Variants in NPHP4 observed in about 807,000 individuals in gnomAD.
NPHP4 encodes the protein nephrocystin-4.
A neutral mutation model predicts 155.8 loss-of-function variants in NPHP4; 151 were observed. The observed-to-expected ratio is 0.97, with a 90% CI of 0.85 to 1.11. The LOEUF (loss-of-function observed/expected upper bound fraction) is 1.11. NPHP4 is among the 50% of genes least tolerant of loss of function. The probability of loss-of-function intolerance (pLI) is 0.00; values close to 1 mark genes in which losing one functional copy is unlikely to be tolerated. For missense variants in NPHP4, 1,956 were observed against 1,925.7 expected (o/e 1.02, Z -0.29); for synonymous variants, 845 against 816.8 (o/e 1.03, Z -0.59).
rs550972665 is a variant in NPHP4, at chr1:5,866,769, T to C, written c.3558+261A>G. Among the ~76,000 whole-genome samples, 6 of 152,336 alleles carry C rather than the reference T, an allele frequency of 3.9e-5. No homozygotes were observed. The East Asian group carries it at 1.2e-3, about 29-fold the overall frequency. The stretch of plus-strand genomic sequence containing the variant: ...TAATTAATAAGTGCCTTAATTACCA[T>C]CCACTTTATTAACTTTGCTTCGTGC... On this transcript the variant is annotated intron_variant, in intron 25 of 29. Transcript: ENST00000378156.
In NPHP4 at chr1:5,976,933, G is replaced by A. The variant is rs140221859; in HGVS notation, c.279+1337C>T. ...CTGGGCAGTGGTTACCTAGAGTAAC[G>A]TCTCAAAGGACGGCCACTGTCACCG... On this transcript the variant is annotated intron_variant, in intron 3 of 29. Coordinates refer to ENST00000378156, the MANE Select transcript of NPHP4 (RefSeq NM_015102.5). 8.8e-4 allele frequency among the ~76,000 whole-genome samples: 134 copies of A among 152,228 alleles called. 1 individual carries two copies. Among genetic ancestry groups the A allele is most frequent in the African/African-American group, 3.1e-3 (128 of 41,544 alleles).
chr1:5,921,455 G>C (rs1389521879), intron 11 of NPHP4, among the ~76,000 whole-genome samples: 1 of 152,238 alleles, frequency 6.6e-6, no homozygotes, highest in Non-Finnish European at 1.5e-5. Flanking sequence ...ACGGTGGTAA[G>C]AGTTCTGCTT....
chr1:5,929,339 A>T lies in NPHP4; in HGVS notation c.1303-1552T>A, dbSNP rs149015647. On this transcript the variant is annotated intron_variant, in intron 10 of 29. Transcript: ENST00000378156. The stretch of plus-strand genomic sequence containing the variant: ...AACTTCCAGTGCAATACTGAACATG[A>T]CGTTGAATGCTAACAGTGGACATCC... 7.4e-3 allele frequency among the ~76,000 whole-genome samples: 1,125 copies of T among 152,290 alleles called. 12 individuals are homozygous for T. The highest frequency in any genetic ancestry group is 0.024 in the African/African-American group (1,018 of 41,564).
intron 9 of NPHP4, among the ~76,000 whole-genome samples, chr1:5,945,041 T>C (rs1016246035): frequency 2.0e-5 from 3 of 152,130 alleles, no homozygotes; most frequent in African/African-American, 4.8e-5. Flanking sequence ...GCGGCCACCA[T>C]CGAAACCACC....
At chr1:5,943,934 G>C (rs1043410250) in intron 9 of NPHP4, among the ~76,000 whole-genome samples, 1 of 152,126 alleles carries the variant, frequency 6.6e-6, no homozygotes, top group African/African-American at 2.4e-5. Context: ...GGGAGAAAGA[G>C]ATGAGACATG....
At chr1:5,942,530 CAAAAAAAA>C (rs71568632) in intron 9 of NPHP4, among the ~76,000 whole-genome samples, 1 of 19,736 alleles carries the variant, frequency 5.1e-5, no homozygotes, top group African/African-American at 1.6e-4. Flanking sequence ...GACTCCATCT[CAAAAAAAA>C]AAAAAAAAAA....
intron 2 of NPHP4, 122 bp downstream of exon 2, chr1:5,986,033 A>T: frequency 9.5e-7 from 1 of 1,057,520 alleles, no homozygotes; most frequent in Middle Eastern, 2.0e-4. Context: ...TATGGGTACC[A>T]CCATAAAGTA....
intron 6 of NPHP4, among the ~76,000 whole-genome samples, chr1:5,957,399 G>A (rs1450184506): frequency 6.6e-6 from 1 of 152,188 alleles, no homozygotes; most frequent in Non-Finnish European, 1.5e-5. Flanking sequence ...GCCTCTTGGG[G>A]ACACAGCTCT....
intron 3 of NPHP4, among the ~76,000 whole-genome samples, chr1:5,974,359 C>G (rs1160578247): frequency 1.3e-5 from 2 of 152,052 alleles, no homozygotes; most frequent in Non-Finnish European, 2.9e-5. Context: ...CCCAGTAACT[C>G]CCCCCAAATA....
chr1:5,931,428 C>G (rs1053787845), intron 10 of NPHP4, among the ~76,000 whole-genome samples: 3 of 150,206 alleles, frequency 2.0e-5, no homozygotes, highest in African/African-American at 4.9e-5. Context: ...AAGTACTGTA[C>G]CTACCTTAAT....
chr1:5,868,684 G>A (rs943063767), intron 23 of NPHP4, among the ~76,000 whole-genome samples: 1 of 142,720 alleles, frequency 7.0e-6, no homozygotes, highest in African/African-American at 2.6e-5. Flanking sequence ...ACACATGCAT[G>A]TACACATATA....
chr1:5,906,688 C>A (rs181263014), intron 13 of NPHP4, among the ~76,000 whole-genome samples: 2 of 152,252 alleles, frequency 1.3e-5, no homozygotes, highest in African/African-American at 4.8e-5. Context: ...CAGTCTTAGC[C>A]AGGAGCACAC....
chr1:5,874,761 A>C (rs1642394042), intron 21 of NPHP4, 104 bp from the exon 22 acceptor site: 4 of 1,516,792 alleles, frequency 2.6e-6, no homozygotes, highest in Admixed American at 1.8e-5. Flanking sequence ...AGTGGGAGAG[A>C]GAAGTCAAAT....
rs1311474063 is a variant in NPHP4 at position 5,867,115 on chromosome 1, C to G, written c.3473G>C (p.Gly1158Ala). The change falls in exon 25 of 30, where the codon GGT becomes GCT. Residue 1158 changes from glycine to alanine, a missense_variant and splice_region_variant. Transcript: ENST00000378156. The surrounding 1 kb of genome is among the most constrained non-coding windows in gnomAD (Gnocchi z 4.1). ...CTCACCAAGCATTCCCACCGGAGCA[C>G]CTGGAGCAGGGGAAATGTCAAAAAG... ...IRLPPWHTFPGAPVGMLGEDP... is the reference protein window; with the variant it reads ...IRLPPWHTFPAAPVGMLGEDP... 6.2e-7 allele frequency: 1 copy of G among 1,610,528 alleles called. No individual in the cohort carries two copies. The highest frequency in any genetic ancestry group is 8.5e-7 in the Non-Finnish European group (1 of 1,178,346).
chr1:5,905,667 C>T lies in NPHP4; in HGVS notation c.1728G>A (p.Leu576=). 1 of 1,613,990 alleles carries T rather than the reference C, an allele frequency of 6.2e-7. No homozygotes were observed. Among genetic ancestry groups the T allele is most frequent in the Non-Finnish European group, 8.5e-7 (1 of 1,179,876 alleles). ...EQLQELPFTP[L]HAPIVVGTQT... is the part of the protein sequence containing the mutation. ...GGGTTCCCACAACAATAGGGGCATG[C>T]AAAGGCGTGAACGGCAGCTCCTGTA... The change falls in exon 14 of 30, where the codon TTG becomes TTA. Residue 576 remains leucine, a synonymous_variant. Transcript: ENST00000378156. The surrounding 1 kb of genome is among the most constrained non-coding windows in gnomAD (Gnocchi z 4.0).
chr1:5,977,391 T>A (rs1653802721), intron 3 of NPHP4, among the ~76,000 whole-genome samples: 1 of 151,988 alleles, frequency 6.6e-6, no homozygotes, highest in South Asian at 2.1e-4. Flanking sequence ...ATCCTGTAAG[T>A]CCCAGCTTAA....
chr1:5,968,902 C>T (rs967623734), intron 4 of NPHP4, among the ~76,000 whole-genome samples, 185 bp downstream of exon 4: 2 of 152,102 alleles, frequency 1.3e-5, no homozygotes, highest in Non-Finnish European at 2.9e-5. Context: ...GGCGTGGCAC[C>T]TGTAATCCCA....
Position 5,986,263 on chromosome 1 carries a change from G to C in NPHP4, c.27C>G (p.Thr9=). 1 of 1,613,822 alleles carries C rather than the reference G, an allele frequency of 6.2e-7. No individual in the cohort carries two copies. Among genetic ancestry groups the C allele is most frequent in the Non-Finnish European group, 8.5e-7 (1 of 1,179,852 alleles). ...GGTGGGGAGGGACAAGCACGTTTTG[G>C]GTGAAGATCCTGTGCCAGTCGTTCA... MNDWHRIF[T]QNVLVPPHPQ... The change falls in exon 2 of 30, where the codon ACC becomes ACG. Residue 9 remains threonine (T), a synonymous_variant. Coordinates refer to ENST00000378156, the MANE Select transcript of NPHP4 (RefSeq NM_015102.5).
chr1:5,947,998 G>A, intron 8 of NPHP4, 72 bp downstream of exon 8: 1 of 1,218,684 alleles, frequency 8.2e-7, no homozygotes, highest in Non-Finnish European at 1.2e-6. Context: ...CACCTGACAT[G>A]CACAAATGAC....
Sources: allele counts gnomAD v4.1 joint callset (sites outside exome capture counted in the v4.1 genomes callset), GRCh38; gene constraint gnomAD v4.1.1; non-coding constraint Gnocchi (gnomAD v3.1); transcripts MANE v1.5; gene names NCBI Gene and HGNC (gene_info 2026-07-23, HGNC 2026-07-21).